Variants in STOX2 observed in about 807,000 individuals in gnomAD.
The protein encoded by STOX2 is storkhead box 2, also known as storkhead-box protein 2.
Under a neutral mutation model 60.9 loss-of-function variants are expected in STOX2, and 28 were observed. That is an observed-to-expected ratio of 0.46 (90% CI 0.34 to 0.63). The LOEUF (loss-of-function observed/expected upper bound fraction) is 0.63, where lower values mean the gene tolerates loss of function less well. Among genes scored for constraint, STOX2 ranks in the 30% least tolerant of loss-of-function variants. The pLI is 0.01. For missense variants in STOX2, 1,024 were observed against 1,187.7 expected (o/e 0.86, Z 2.03); for synonymous variants, 472 against 463.9 (o/e 1.02, Z -0.22).
At chr4:183,864,465 C>T (rs1309606646) in intron 1 of STOX2, among the ~76,000 whole-genome samples, 1 of 152,174 alleles carries the variant, frequency 6.6e-6, no homozygotes, top group African/African-American at 2.4e-5. Context: ...GCACTCTCAG[C>T]TCACTGCAAC....
At chr4:183,868,072 C>T (rs1438886525) in intron 1 of STOX2, among the ~76,000 whole-genome samples, 5 of 151,622 alleles carry the variant, frequency 3.3e-5, no homozygotes, top group Admixed American at 6.6e-5. Context: ...ACCACTTGCT[C>T]AGCAAGTCTG....
At chr4:183,939,536 G>C (rs1742692733) in intron 1 of STOX2, among the ~76,000 whole-genome samples, 1 of 152,104 alleles carries the variant, frequency 6.6e-6, no homozygotes, top group African/African-American at 2.4e-5. Flanking sequence ...ACAGATGCTG[G>C]GGGTTAGGAC....
chr4:183,946,905 G>C (rs1742909243), intron 1 of STOX2, among the ~76,000 whole-genome samples: 1 of 152,194 alleles, frequency 6.6e-6, no homozygotes, highest in Non-Finnish European at 1.5e-5. Flanking sequence ...GGGATTACAG[G>C]TGTGAGCCAC....
At chr4:183,939,277 T>C (rs1742683744) in intron 1 of STOX2, among the ~76,000 whole-genome samples, 1 of 152,200 alleles carries the variant, frequency 6.6e-6, no homozygotes, top group African/African-American at 2.4e-5. Flanking sequence ...TAGGGGAGAT[T>C]CCTTCCCTGT....
chr4:183,945,807 T>G (rs1579449753), intron 1 of STOX2, among the ~76,000 whole-genome samples: 1 of 152,316 alleles, frequency 6.6e-6, no homozygotes, highest in African/African-American at 2.4e-5. Context: ...TTCTTTTACC[T>G]TCAGTTTGTT....
intron 1 of STOX2, among the ~76,000 whole-genome samples, chr4:183,971,230 C>T (rs573610287): frequency 3.2e-4 from 49 of 152,296 alleles, no homozygotes; most frequent in Middle Eastern, 3.4e-3. Context: ...GAGGCAAAGT[C>T]TCAGGCCATA....
intron 3 of STOX2, chr4:184,015,604 G>C (rs759163312): frequency 7.9e-5 from 12 of 152,138 alleles, no homozygotes; most frequent in Admixed American, 3.3e-4. Flanking sequence ...AAGCCACAAG[G>C]AGTTAGGCTT....
rs1416474454 is a variant in STOX2, at chr4:183,821,297, C to T, written c.364+23242C>T. 3.3e-5 allele frequency among the ~76,000 whole-genome samples: 5 copies of T among 152,110 alleles called. No homozygotes were observed. The South Asian group carries it at 6.2e-4, about 19-fold the overall frequency. On this transcript the variant is annotated intron_variant, in intron 1 of 2. Transcript: ENST00000513034. The surrounding 1 kb of genome is among the most constrained non-coding windows in gnomAD (Gnocchi z 4.2). The stretch of plus-strand genomic sequence containing the variant: ...CCGTGTGTAACCATATGGTGCTTCA[C>T]GGAATGCAGATAATGGCTTTATTTT...
chr4:183,830,360 G>A (rs1579311791), intron 1 of STOX2, among the ~76,000 whole-genome samples: 1 of 152,284 alleles, frequency 6.6e-6, no homozygotes, highest in African/African-American at 2.4e-5. Flanking sequence ...TACATTCTAG[G>A]TGCACTGAGA....
rs370299683 is a variant in STOX2 at position 184,009,232 on chromosome 4, A to G, written c.394A>G (p.Thr132Ala). 8.7e-6 allele frequency: 14 copies of G among 1,607,504 alleles called. No individual in the cohort carries two copies. The highest frequency in any genetic ancestry group is 1.2e-5 in the Non-Finnish European group (14 of 1,175,878). The change falls in exon 3 of 4, where the codon ACT becomes GCT. Residue 132 changes from threonine (T) to alanine (A), a missense_variant. Transcript: ENST00000308497. The surrounding 1 kb of genome is among the most constrained non-coding windows in gnomAD (Gnocchi z 4.0). ...GGTACGGGAGAGGAAGATCTACCCA[A>G]CTCCAGATGGCTACTTCATCGTGAC... ...TLVRERKIYPTPDGYFIVTPQ... is the reference protein window; with the variant it reads ...TLVRERKIYPAPDGYFIVTPQ...
intron 1 of STOX2, among the ~76,000 whole-genome samples, chr4:183,826,688 C>T (rs761981325): frequency 3.3e-5 from 5 of 152,238 alleles, no homozygotes; most frequent in Non-Finnish European, 5.9e-5. Flanking sequence ...GTGGAATCTG[C>T]CCCGCAGGGT....
At position 183,914,478 on chromosome 4, in the gene STOX2, A is replaced by G. The variant is rs546197209; in HGVS notation, c.166+7522A>G. 1.3e-3 allele frequency among the ~76,000 whole-genome samples: 192 copies of G among 152,268 alleles called. 3 individuals are homozygous for G. Among genetic ancestry groups the G allele is most frequent in the Admixed American group, 0.012 (180 of 15,294 alleles). On this transcript the variant is annotated intron_variant, in intron 1 of 3. Transcript: ENST00000308497. ...AATAAAAATTAAAAAGCTGCAACTG[A>G]TTTTGTTGTTGTTGGAAGAATGCAG...
chr4:183,987,233 G>C (rs1732883921), intron 1 of STOX2, among the ~76,000 whole-genome samples: 2 of 152,082 alleles, frequency 1.3e-5, no homozygotes, highest in Admixed American at 6.5e-5. Context: ...CTTCCATTGT[G>C]TTCTCTCTCT....
rs1037304419 is a variant in STOX2, at chr4:184,018,433, T to C, written c.*1149T>C. 1 of 150,252 alleles carries C rather than the reference T, an allele frequency of 6.7e-6. No homozygotes were observed. Among genetic ancestry groups the C allele is most frequent in the Non-Finnish European group, 1.5e-5 (1 of 67,314 alleles). 9.3% of individuals were successfully genotyped at this position (150,252 alleles called of 1,614,324 possible). A position where few individuals can be genotyped will look rare whatever the true frequency, so the allele number is the denominator to read the frequency against. ...GGAAGATATGTATAGAGAAAACTTT[T>C]AAAATAATTTTTGATTAGAAATATA... On this transcript the variant is annotated 3_prime_UTR_variant, in exon 4 of 4. Transcript: ENST00000308497.
chr4:183,904,322 A>G (rs757294476), upstream of STOX2, among the ~76,000 whole-genome samples: 30 of 152,232 alleles, frequency 2.0e-4, no homozygotes, highest in Non-Finnish European at 3.1e-4. Context: ...TAAATATCCA[A>G]GCAGTCCATG....
intron 3 of STOX2, 110 bp from the exon 4 acceptor site, chr4:184,016,979 G>A (rs908259041): frequency 6.7e-6 from 6 of 895,480 alleles, no homozygotes; most frequent in Admixed American, 5.9e-5. Flanking sequence ...ATGACATTAT[G>A]AACCAACAGA....
intron 1 of STOX2, among the ~76,000 whole-genome samples, chr4:183,851,708 G>A (rs1399947706): frequency 2.5e-5 from 3 of 117,756 alleles, no homozygotes; most frequent in Admixed American, 8.0e-5. Flanking sequence ...AAACGATGAG[G>A]GAAAGGATGA....
intron 1 of STOX2, among the ~76,000 whole-genome samples, chr4:183,798,273 G>A (rs1483317726): frequency 1.3e-5 from 2 of 151,136 alleles, no homozygotes; most frequent in Non-Finnish European, 3.0e-5. Flanking sequence ...CCCATTCCCG[G>A]TGCGCCGCCC....
chr4:183,821,779 G>T lies in STOX2; in HGVS notation c.364+23724G>T, dbSNP rs891356507. Reference sequence around the variant, plus strand: ...GCAGCCTCCCCCTCCACATCCCTGCGGAGCACCCATCCCTGTCCCTGTTCC... The same window carrying T: ...GCAGCCTCCCCCTCCACATCCCTGCTGAGCACCCATCCCTGTCCCTGTTCC... On this transcript the variant is annotated intron_variant, in intron 1 of 2. Transcript: ENST00000513034. The surrounding 1 kb of genome is among the most constrained non-coding windows in gnomAD (Gnocchi z 4.2). Among the ~76,000 whole-genome samples the T allele has an allele frequency of 6.6e-6, 1 of 152,214 alleles. No individual in the cohort carries two copies. The highest frequency in any genetic ancestry group is 1.5e-5 in the Non-Finnish European group (1 of 68,026).
Sources: allele counts gnomAD v4.1 joint callset (sites outside exome capture counted in the v4.1 genomes callset), GRCh38; gene constraint gnomAD v4.1.1; non-coding constraint Gnocchi (gnomAD v3.1); transcripts MANE v1.5; gene names NCBI Gene and HGNC (gene_info 2026-07-23, HGNC 2026-07-21).